IL32: variants seen among roughly 807,000 people sequenced by gnomAD.
IL32 encodes the protein interleukin 32, also known as interleukin-32.
In IL32, 30 loss-of-function variants were observed where a neutral mutation model predicts 16.6. That is an observed-to-expected ratio of 1.81 (90% CI 1.35 to 2.45). The LOEUF (loss-of-function observed/expected upper bound fraction) is 2.45. IL32 is among the 30% of genes most tolerant of loss of function. IL32 has a pLI of 0.00. For missense variants in IL32, 234 were observed against 229.8 expected, an observed-to-expected ratio of 1.02 and a Z score of -0.12; for synonymous variants, 70 against 86.1, an observed-to-expected ratio of 0.81 and a Z score of 1.03.
rs111432878 is a variant in IL32 at position 3,069,471 on chromosome 16, G to A, written c.*116G>A. 4.3e-4 allele frequency: 553 copies of A among 1,277,628 alleles called. 3 individuals carry two copies. The African/African-American group carries it at 7.2e-3, about 17-fold the overall frequency. The allele number at this position is 1,277,628 out of a possible 1,614,324, so 79.1% of individuals were successfully genotyped here. On this transcript the variant is annotated 3_prime_UTR_variant, in exon 7 of 7. Transcript: ENST00000525643. ...CTCAGTCCCCCTGCCTGGCGTTCCT[G>A]CCGCAGCTCTGACCTGGTGCTGTCG...
chr16:3,068,287 C>G, intron 6 of IL32, 48 bp downstream of exon 6: 2 of 1,461,784 alleles, frequency 1.4e-6, no homozygotes, highest in Non-Finnish European at 1.9e-6. Context: ...TTCACCTCTG[C>G]CCTGTCTTTT....
chr16:3,065,574 C>G (rs572676358), upstream of IL32: 33 of 620,770 alleles, frequency 5.3e-5, no homozygotes, highest in Non-Finnish European at 8.9e-5. Flanking sequence ...GCCTCCTGCC[C>G]TGAGAGAGGC....
At chr16:3,065,952 A>G in intron 2 of IL32, 126 bp downstream of exon 2, 1 of 1,150,214 alleles carries the variant, frequency 8.7e-7, no homozygotes, top group Non-Finnish European at 1.3e-6. Flanking sequence ...CAGCGGCAGG[A>G]GGATAGTGAT....
chr16:3,067,273 G>GTGTGTGTGTGTCTC (rs1555442487), intron 2 of IL32, 104 bp from the exon 3 acceptor site: 42 of 134,878 alleles, frequency 3.1e-4, no homozygotes, highest in Admixed American at 1.1e-3. Flanking sequence ...ATGTGTCTCT[G>GTGTGTGTGTGTCTC]TGTGTGTGTG....
chr16:3,068,615 C>T (rs1001669597), intron 6 of IL32: 3 of 413,570 alleles, frequency 7.3e-6, no homozygotes, highest in South Asian at 6.6e-5. Flanking sequence ...CCAGCCAACC[C>T]CTGCCCTGTC....
Position 3,065,904 on chromosome 16 carries a change from C to T in IL32, c.15+78C>T, listed in dbSNP as rs1217563483. ...AGGGTGCGGGTGCCCTCAGTATTTC[C>T]CGAGGTGCCTGTGTGTCAGGGCTCA... On this transcript the variant is annotated intron_variant, in intron 2 of 6. Coordinates refer to ENST00000525643, the MANE Select transcript of IL32 (RefSeq NM_001376923.1). The T allele has an allele frequency of 5.8e-6, 9 of 1,551,466 alleles. No homozygotes were observed. In the Admixed American group the frequency reaches 8.3e-5, roughly 14 times the overall value.
chr16:3,069,367 C>G lies in IL32; in HGVS notation c.*12C>G. ...AATCCTCAAAATGAAGATACTGACA[C>G]CACCTTTGCCCTCCCCGTCACCGCG... On this transcript the variant is annotated 3_prime_UTR_variant, in exon 7 of 7. Transcript: ENST00000525643. The G allele has an allele frequency of 6.4e-7, 1 of 1,568,278 alleles. No homozygotes were observed. Among genetic ancestry groups the G allele is most frequent in the South Asian group, 1.2e-5 (1 of 83,196 alleles).
At position 3,069,254 on chromosome 16, in the gene IL32, T is replaced by C. The variant is rs771147572; in HGVS notation, c.466T>C (p.Ser156Pro). The C allele has an allele frequency of 1.2e-5, 19 of 1,614,248 alleles. No homozygotes were observed. Among genetic ancestry groups the C allele is most frequent in the Non-Finnish European group, 1.5e-5 (18 of 1,180,050 alleles). ...KQFQSFCCSL[S>P]ELFMSSFQSY... ...GTTCCAGAGTTTCTGCTGCTCTCTG[T>C]CAGAGCTCTTCATGTCCTCTTTCCA... is the stretch of plus-strand genomic sequence containing the variant. The change falls in exon 7 of 7, where the codon TCA becomes CCA. Residue 156 changes from serine to proline, a missense_variant. This residue lies in a region of IL32 where 53 missense variants were observed against 46.1 expected (regional missense o/e 1.15). Transcript: ENST00000525643.
intron 2 of IL32, among the ~76,000 whole-genome samples, chr16:3,066,161 C>T (rs895581738): frequency 6.6e-6 from 1 of 152,150 alleles, no homozygotes; most frequent in Non-Finnish European, 1.5e-5. Flanking sequence ...TGGGTGGGCC[C>T]AAGAGCAAGG....
Position 3,065,666 on chromosome 16 carries a change from C to A in IL32, c.-50C>A. 3.7e-6 allele frequency: 3 copies of A among 812,238 alleles called. No individual in the cohort carries two copies. The highest frequency in any genetic ancestry group is 1.4e-5 in the South Asian group (1 of 71,976). 50.3% of individuals were successfully genotyped at this position (812,238 alleles called of 1,614,324 possible). On this transcript the variant is annotated 5_prime_UTR_variant, in exon 1 of 7. Coordinates refer to ENST00000525643, the MANE Select transcript of IL32 (RefSeq NM_001376923.1). Reference sequence around the variant, plus strand: ...GACTGCGTGCAGAAGGTGACTGTCTCAGTGGAGCTGGGTCATCTCAGGTGG... The same window carrying A: ...GACTGCGTGCAGAAGGTGACTGTCTAAGTGGAGCTGGGTCATCTCAGGTGG...
chr16:3,066,159 C>T (rs1311873084), intron 2 of IL32, among the ~76,000 whole-genome samples: 6 of 152,156 alleles, frequency 3.9e-5, no homozygotes, highest in East Asian at 1.9e-4. Flanking sequence ...GCTGGGTGGG[C>T]CCAAGAGCAA....
rs771610721 is a variant in IL32 at position 3,068,258 on chromosome 16, T to C, written c.201+19T>C. On this transcript the variant is annotated intron_variant, in intron 6 of 6. Transcript: ENST00000525643. ...GCACCCAGTGAGTATGACACACCCA[T>C]CTGGGCACCTTGCCTTCCTTCACCT... The C allele has an allele frequency of 8.2e-6, 13 of 1,576,686 alleles. No individual in the cohort carries two copies. Among genetic ancestry groups the C allele is most frequent in the Non-Finnish European group, 9.5e-6 (11 of 1,159,070 alleles).
At chr16:3,067,236 T>A (rs528122973) in intron 2 of IL32, 141 bp from the exon 3 acceptor site, 1 of 616,458 alleles carries the variant, frequency 1.6e-6, no homozygotes, top group African/African-American at 1.9e-5. Context: ...CTGGGACTGC[T>A]GTCTCCTCTT....
In IL32 at chr16:3,067,855, G is replaced by A. The variant is rs555487359; in HGVS notation, c.115-129G>A. ...TGAGGAAACAACAGGGGTGCCAGAC[G>A]TGGCCCGGGCCCCTGGCTGGGCCCA... is the stretch of plus-strand genomic sequence containing the variant. On this transcript the variant is annotated intron_variant, in intron 4 of 6. Coordinates refer to ENST00000525643, the MANE Select transcript of IL32 (RefSeq NM_001376923.1). The A allele has an allele frequency of 9.3e-4, 1,037 of 1,117,334 alleles. 4 individuals carry two copies. Among genetic ancestry groups the A allele is most frequent in the Admixed American group, 2.2e-3 (117 of 54,164 alleles). 69.2% of individuals were successfully genotyped at this position (1,117,334 alleles called of 1,614,324 possible). A position where few individuals can be genotyped will look rare whatever the true frequency, so the allele number is the denominator to read the frequency against.
chr16:3,066,560 G>A lies in IL32; in HGVS notation c.15+734G>A, dbSNP rs146948071. Among the ~76,000 whole-genome samples, 597 of 152,174 alleles carry A rather than the reference G, an allele frequency of 3.9e-3. 2 individuals are homozygous for A. Among genetic ancestry groups the A allele is most frequent in the Middle Eastern group, 0.02 (6 of 294 alleles). On this transcript the variant is annotated intron_variant, in intron 2 of 6. Coordinates refer to ENST00000525643, the MANE Select transcript of IL32 (RefSeq NM_001376923.1). ...TCACCCCCGAGACTAGGCCCTTGAC[G>A]TGGGGGCTCAGCGGGGATTCTGTGG...
At chr16:3,068,073 G>C in intron 5 of IL32, 63 bp downstream of exon 5, 3 of 1,609,108 alleles carry the variant, frequency 1.9e-6, no homozygotes, top group Admixed American at 3.3e-5. Flanking sequence ...ACAGGACACT[G>C]GGTCTGGGCC....
In IL32 at chr16:3,069,434, C is replaced by T. The variant is rs1236985824; in HGVS notation, c.*79C>T. 5 of 1,465,082 alleles carry T rather than the reference C, an allele frequency of 3.4e-6. No individual in the cohort carries two copies. Among genetic ancestry groups the T allele is most frequent in the Non-Finnish European group, 3.7e-6 (4 of 1,088,572 alleles). The allele number at this position is 1,465,082 out of a possible 1,614,324, so 90.8% of individuals were successfully genotyped here. ...TCCCTCAGCTGTCCTGTGCCCCGCC[C>T]TCTCCCGCACACTCAGTCCCCCTGC... On this transcript the variant is annotated 3_prime_UTR_variant, in exon 7 of 7. Coordinates refer to ENST00000525643, the MANE Select transcript of IL32 (RefSeq NM_001376923.1).
intron 3 of IL32, 46 bp downstream of exon 3, chr16:3,067,461 T>C (rs376323814): frequency 5.6e-6 from 9 of 1,612,956 alleles, no homozygotes; most frequent in Non-Finnish European, 5.9e-6. Context: ...GGCCTGGGTC[T>C]CAGCGTGTGA....
chr16:3,065,942 C>A (rs1443843962), intron 2 of IL32, 116 bp downstream of exon 2: 2 of 1,240,322 alleles, frequency 1.6e-6, no homozygotes, highest in Non-Finnish European at 2.4e-6. Flanking sequence ...CAGGGGCACC[C>A]AGCGGCAGGA....
Sources: gnomAD v4.1 joint callset for allele counts (sites outside exome capture counted in the v4.1 genomes callset) on GRCh38, gnomAD v4.1.1 for gene constraint, gnomAD v4.1.1 regional missense constraint, MANE v1.5 for transcripts, NCBI Gene and HGNC (gene_info 2026-07-23, HGNC 2026-07-21) for gene names.